Variants in ROBO2 observed in about 807,000 individuals in gnomAD.
ROBO2 encodes the protein roundabout homolog 2.
A neutral mutation model predicts 160.8 loss-of-function variants in ROBO2; 53 were observed. The ratio of observed to expected loss-of-function variants is 0.33; its 90% confidence interval spans 0.26 to 0.41. ROBO2 has a LOEUF of 0.41. Ranked by LOEUF, ROBO2 falls within the 10% of genes least tolerant of loss-of-function variation. The pLI is 1.00. For missense variants in ROBO2, 1,577 were observed against 1,722.4 expected, an observed-to-expected ratio of 0.92 and a Z score of 1.49; for synonymous variants, 664 against 611.7, an observed-to-expected ratio of 1.09 and a Z score of -1.26.
intron 2 of ROBO2, among the ~76,000 whole-genome samples, chr3:76,711,483 G>C (rs533206154): frequency 2.3e-4 from 35 of 152,268 alleles, no homozygotes; most frequent in African/African-American, 8.4e-4. Flanking sequence ...CTGTAATTCA[G>C]ATTCCCGTCT....
chr3:77,585,486 C>A (rs1297970133), intron 16 of ROBO2, among the ~76,000 whole-genome samples: 1 of 151,952 alleles, frequency 6.6e-6, no homozygotes, highest in Non-Finnish European at 1.5e-5. Flanking sequence ...GCATTTCATA[C>A]AAGTGTTTTC....
chr3:75,957,225 AAC>A (rs1364604400), intron 2 of ROBO2, among the ~76,000 whole-genome samples: 3 of 122,312 alleles, frequency 2.5e-5, no homozygotes, highest in East Asian at 2.4e-4. Context: ...ACACACACAA[AAC>A]ACACACGCAC....
At chr3:76,751,250 A>G (rs943572649) in intron 2 of ROBO2, among the ~76,000 whole-genome samples, 4 of 152,172 alleles carry the variant, frequency 2.6e-5, no homozygotes, top group Non-Finnish European at 4.4e-5. Flanking sequence ...CATATGTAGA[A>G]AGCTGAAACC....
intron 2 of ROBO2, among the ~76,000 whole-genome samples, chr3:76,355,251 T>C (rs1316383960): frequency 6.6e-6 from 1 of 151,796 alleles, no homozygotes; most frequent in Non-Finnish European, 1.5e-5. Context: ...TTGTTATCAA[T>C]AGGTAATAGT....
At position 77,563,197 on chromosome 3, in the gene ROBO2, A is replaced by G; in HGVS notation, c.1550A>G (p.Asp517Gly). The G allele has an allele frequency of 6.2e-7, 1 of 1,613,444 alleles. No homozygotes were observed. Among genetic ancestry groups the G allele is most frequent in the African/African-American group, 1.3e-5 (1 of 75,006 alleles). Residue 517 changes from aspartate to glycine, a missense_variant, in exon 11 of 26, where the codon GAT (aspartate) becomes GGT (glycine). Asp to Gly is a moderately conservative substitution (Grantham distance 94). This residue lies in a region of ROBO2 where 940 missense variants were observed against 1,135.5 expected (regional missense o/e 0.83). Coordinates refer to ENST00000461745, the Ensembl canonical transcript of ROBO2. ...GGAGCAACAATCAGTAAAAACTATGATTTAAGTGACCTGCCAGGGCCACCA... is the reference window on the plus strand; with the variant it reads ...GGAGCAACAATCAGTAAAAACTATGGTTTAAGTGACCTGCCAGGGCCACCA...
intron 2 of ROBO2, among the ~76,000 whole-genome samples, chr3:76,928,852 A>G (rs1405580468): frequency 6.6e-6 from 1 of 152,194 alleles, no homozygotes; most frequent in African/African-American, 2.4e-5. Context: ...GGTTTTAAAT[A>G]TATTTTATAT....
At chr3:77,267,776 T>C (rs1036702941) in intron 2 of ROBO2, among the ~76,000 whole-genome samples, 1 of 152,154 alleles carries the variant, frequency 6.6e-6, no homozygotes, top group African/African-American at 2.4e-5. Context: ...CCATATGTTG[T>C]AAAGCCCTAG....
At chr3:77,303,480 A>G (rs879288742) in intron 2 of ROBO2, among the ~76,000 whole-genome samples, 1 of 152,220 alleles carries the variant, frequency 6.6e-6, no homozygotes, top group Non-Finnish European at 1.5e-5. Context: ...GTGAAAATGT[A>G]TACATTTATT....
chr3:76,999,344 C>A (rs1300328486), intron 2 of ROBO2, among the ~76,000 whole-genome samples: 1 of 151,804 alleles, frequency 6.6e-6, no homozygotes. Flanking sequence ...AAGCGATAAC[C>A]CCCTTGTAGA....
intron 2 of ROBO2, among the ~76,000 whole-genome samples, chr3:77,225,870 C>T (rs185198529): frequency 1.1e-3 from 172 of 152,000 alleles, no homozygotes; most frequent in African/African-American, 3.9e-3. Context: ...TGACTTCCTG[C>T]TATGGAGATT....
intron 2 of ROBO2, among the ~76,000 whole-genome samples, chr3:77,306,198 G>A (rs956893274): frequency 6.6e-6 from 1 of 152,006 alleles, no homozygotes; most frequent in Non-Finnish European, 1.5e-5. Flanking sequence ...ACATATTTAT[G>A]TAAGTCTTGA....
chr3:76,765,093 A>T (rs1167482648), intron 2 of ROBO2, among the ~76,000 whole-genome samples: 1 of 151,496 alleles, frequency 6.6e-6, no homozygotes, highest in Admixed American at 6.6e-5. Flanking sequence ...TCTAATGTCT[A>T]TTGTTCCACT....
rs71104664 is a variant in ROBO2 at position 77,246,327 on chromosome 3, A to ATGTGTGTGTGTGTG, written c.388+148007_388+148020dup. ...TACAAACTACTGAGAGTGTATGTGT[A>ATGTGTGTGTGTGTG]TGTGTGTGTGTGTGTGTGTGTGTGT... On this transcript the variant is annotated intron_variant, in intron 2 of 25. Transcript: ENST00000461745. Among the ~76,000 whole-genome samples, 390 of 145,826 alleles carry ATGTGTGTGTGTGTG rather than the reference A, an allele frequency of 2.7e-3. 1 individual carries two copies. Among genetic ancestry groups the ATGTGTGTGTGTGTG allele is most frequent in the African/African-American group, 9.2e-3 (361 of 39,052 alleles).
intron 2 of ROBO2, among the ~76,000 whole-genome samples, chr3:76,128,165 A>T (rs977397050): frequency 6.6e-6 from 1 of 152,026 alleles, no homozygotes; most frequent in African/African-American, 2.4e-5. Context: ...AACTGTTGGG[A>T]TTACAAGCAT....
chr3:76,484,475 C>T (rs531408285), intron 2 of ROBO2, among the ~76,000 whole-genome samples: 1 of 152,262 alleles, frequency 6.6e-6, no homozygotes, highest in African/African-American at 2.4e-5. Flanking sequence ...AGTGGGGAGT[C>T]GGCTATGCAG....
At chr3:76,162,702 C>A (rs1420365888) in intron 2 of ROBO2, among the ~76,000 whole-genome samples, 2 of 152,026 alleles carry the variant, frequency 1.3e-5, no homozygotes. Flanking sequence ...TAAAATGTAA[C>A]TATTCATATT....
chr3:76,491,822 C>A (rs963211664), intron 2 of ROBO2, among the ~76,000 whole-genome samples: 9 of 152,068 alleles, frequency 5.9e-5, no homozygotes, highest in African/African-American at 2.2e-4. Flanking sequence ...AAGCCAGGTG[C>A]GGTGGCCCAC....
intron 2 of ROBO2, among the ~76,000 whole-genome samples, chr3:76,065,770 CAT>C (rs2068235192): frequency 7.0e-6 from 1 of 141,966 alleles, no homozygotes; most frequent in African/African-American, 2.5e-5. Flanking sequence ...CACACACACA[CAT>C]ATATGCTGCC....
chr3:77,474,063 A>G (rs1245263464), intron 2 of ROBO2, among the ~76,000 whole-genome samples: 2 of 152,160 alleles, frequency 1.3e-5, no homozygotes, highest in African/African-American at 2.4e-5. Flanking sequence ...CTGAATTTTC[A>G]TGAGCTCAAA....
Sources: gnomAD v4.1 joint callset for allele counts (sites outside exome capture counted in the v4.1 genomes callset) on GRCh38, gnomAD v4.1.1 for gene constraint, gnomAD v4.1.1 regional missense constraint, MANE v1.5 for transcripts, NCBI Gene and HGNC (gene_info 2026-07-23, HGNC 2026-07-21) for gene names.